Variants in PATL2 observed in about 807,000 individuals in gnomAD.
PATL2 encodes the protein PAT1 homolog 2.
PATL2 carries 73 observed loss-of-function variants against 77.0 expected under a neutral mutation model. That is an observed-to-expected ratio of 0.95 (90% CI 0.78 to 1.15). The LOEUF (loss-of-function observed/expected upper bound fraction) is 1.15. PATL2 is among the 50% of genes most tolerant of loss of function. The pLI, the probability that PATL2 is intolerant of heterozygous loss-of-function variation, is 0.00. For missense variants in PATL2, 618 were observed against 655.4 expected (o/e 0.94, Z 0.62); for synonymous variants, 265 against 257.1 (o/e 1.03, Z -0.29).
chr15:44,675,437 C>T lies in PATL2; in HGVS notation c.222+49G>A, dbSNP rs1595969516. 3 of 1,507,294 alleles carry T rather than the reference C, an allele frequency of 2.0e-6. No individual in the cohort carries two copies. The East Asian group carries it at 7.4e-5, about 37-fold the overall frequency. The allele number at this position is 1,507,294 out of a possible 1,614,324, so 93.4% of individuals were successfully genotyped here. A position where few individuals can be genotyped will look rare whatever the true frequency, so the allele number is the denominator to read the frequency against. ...GGAATGTTTAGTGACAGCCTGTGAG[C>T]CACAGACAGTTCAGGACAACCCTCT... On this transcript the variant is annotated intron_variant, in intron 5 of 17. Transcript: ENST00000682850.
intron 9 of PATL2, 114 bp downstream of exon 9, chr15:44,671,901 T>C (rs1566852333): frequency 2.3e-6 from 3 of 1,315,526 alleles, no homozygotes; most frequent in Non-Finnish European, 3.1e-6. Flanking sequence ...TGATTCTCTC[T>C]CCCACCTGAA....
In PATL2 at chr15:44,675,678, G is replaced by C. The variant is rs2085919788; in HGVS notation, c.30C>G (p.Thr10=). Residue 10 remains threonine, a synonymous_variant, in exon 5 of 18, where the codon ACC becomes ACG. Transcript: ENST00000682850. ...CCTCCTCAGAAGCCAAGGGGCCACA[G>C]GTCTTACCTGGCCCTTGGTTTAAGT... MNCLEGPGK[T]CGPLASEEEL... is the part of the protein sequence containing the mutation. The C allele has an allele frequency of 6.5e-7, 1 of 1,549,544 alleles. No individual in the cohort carries two copies. Among genetic ancestry groups the C allele is most frequent in the Admixed American group, 2.0e-5 (1 of 50,874 alleles).
rs201815058 is a variant in PATL2 at position 44,688,245 on chromosome 15, C to CAA, written c.-75-11682_-75-11681dup. Among the ~76,000 whole-genome samples the CAA allele has an allele frequency of 7.8e-4, 43 of 55,170 alleles. 1 individual carries two copies. Among genetic ancestry groups the CAA allele is most frequent in the African/African-American group, 2.4e-3 (36 of 14,806 alleles). The allele number at this position is 55,170 out of a possible 152,430, so 36.2% of individuals were successfully genotyped here. On this transcript the variant is annotated intron_variant, in intron 3 of 17. Coordinates refer to ENST00000682850, the MANE Select transcript of PATL2 (RefSeq NM_001387263.1). ...TGGGTGACAGAGCGAGACTCTGTCT[C>CAA]AAAAAAAAAAAAAAAAACTAGCTAA... is the stretch of plus-strand genomic sequence containing the variant.
chr15:44,674,576 AT>A (rs1447469667), intron 5 of PATL2, among the ~76,000 whole-genome samples: 1 of 151,662 alleles, frequency 6.6e-6, no homozygotes, highest in East Asian at 1.9e-4. Flanking sequence ...TTTAAAAAAA[AT>A]TTTTTTTAGA....
intron 3 of PATL2, among the ~76,000 whole-genome samples, chr15:44,701,261 T>C (rs2141264004): frequency 6.6e-6 from 1 of 152,128 alleles, no homozygotes; most frequent in East Asian, 1.9e-4. Context: ...CTGTAGTTTT[T>C]TTTTTTTTAT....
chr15:44,677,932 C>T (rs908381619), intron 3 of PATL2, among the ~76,000 whole-genome samples: 11 of 152,204 alleles, frequency 7.2e-5, no homozygotes, highest in South Asian at 2.1e-4. Context: ...CTCCACCTCC[C>T]GGGTTCAAGA....
chr15:44,697,778 G>C (rs1262066359), intron 3 of PATL2, among the ~76,000 whole-genome samples: 1 of 152,128 alleles, frequency 6.6e-6, no homozygotes, highest in African/African-American at 2.4e-5. Context: ...TTGAATCCCA[G>C]CTCAGTGAAA....
chr15:44,672,177 C>T (rs1221583158), intron 8 of PATL2, 21 bp from the exon 9 acceptor site: 2 of 1,551,638 alleles, frequency 1.3e-6, no homozygotes, highest in South Asian at 2.4e-5. Flanking sequence ...GGAGGAACAA[C>T]CCTTTAGACT....
intron 3 of PATL2, 144 bp from the exon 4 acceptor site, chr15:44,676,709 A>C (rs1595971799): frequency 8.5e-7 from 1 of 1,170,706 alleles, no homozygotes. Flanking sequence ...GGGGTCTCAG[A>C]CTGCCATAAA....
At chr15:44,675,748 G>A (rs2085923523) in intron 4 of PATL2, 57 bp from the exon 5 acceptor site, 2 of 1,422,316 alleles carry the variant, frequency 1.4e-6, no homozygotes, top group African/African-American at 2.9e-5. Flanking sequence ...TGTGAGTCTT[G>A]TCTAGAGAGG....
At chr15:44,702,903 G>T (rs989102903) in intron 3 of PATL2, among the ~76,000 whole-genome samples, 1 of 151,938 alleles carries the variant, frequency 6.6e-6, no homozygotes, top group African/African-American at 2.4e-5. Context: ...CTAACATATG[G>T]TCTATCCTTG....
At chr15:44,694,350 A>G (rs2086458375) in intron 3 of PATL2, among the ~76,000 whole-genome samples, 1 of 152,222 alleles carries the variant, frequency 6.6e-6, no homozygotes, top group Admixed American at 6.5e-5. Context: ...TCTTTTAGCA[A>G]ACTCATTTGT....
intron 14 of PATL2, among the ~76,000 whole-genome samples, 181 bp from the exon 15 acceptor site, chr15:44,668,663 C>T (rs1001552193): frequency 7.9e-5 from 12 of 152,132 alleles, no homozygotes; most frequent in Non-Finnish European, 1.8e-4. Flanking sequence ...ACCTACTTGT[C>T]CTAGGAATCC....
At chr15:44,666,205 G>A (rs1832606051) in intron 17 of PATL2, among the ~76,000 whole-genome samples, 187 bp downstream of exon 17, 1 of 152,022 alleles carries the variant, frequency 6.6e-6, no homozygotes, top group Non-Finnish European at 1.5e-5. Context: ...CAAAGCACCT[G>A]GAATAAAAGG....
chr15:44,686,571 A>T (rs537617923), intron 3 of PATL2, among the ~76,000 whole-genome samples: 1 of 152,234 alleles, frequency 6.6e-6, no homozygotes, highest in Non-Finnish European at 1.5e-5. Context: ...AGCTGAACTG[A>T]AGGAGACAGA....
At chr15:44,700,998 TG>T (rs2086617406) in intron 3 of PATL2, among the ~76,000 whole-genome samples, 1 of 152,176 alleles carries the variant, frequency 6.6e-6, no homozygotes. Flanking sequence ...TTTTATCAAC[TG>T]TTTTTTCAGC....
At chr15:44,704,666 T>C (rs2086695905) in intron 3 of PATL2, among the ~76,000 whole-genome samples, 2 of 152,206 alleles carry the variant, frequency 1.3e-5, no homozygotes. Flanking sequence ...TGTTACAATA[T>C]TCTGTTTTTT....
intron 3 of PATL2, among the ~76,000 whole-genome samples, chr15:44,696,759 T>G (rs187197171): frequency 2.0e-4 from 30 of 152,318 alleles, no homozygotes; most frequent in East Asian, 3.9e-4. Context: ...TCTATTTTTT[T>G]GGGGGCCTGT....
At chr15:44,704,333 T>C (rs886210113) in intron 3 of PATL2, among the ~76,000 whole-genome samples, 3 of 152,128 alleles carry the variant, frequency 2.0e-5, no homozygotes, top group Non-Finnish European at 2.9e-5. Context: ...TATGCTTTTT[T>C]ATTTCAGGTT....
Sources: gnomAD v4.1 joint callset for allele counts (sites outside exome capture counted in the v4.1 genomes callset) on GRCh38, gnomAD v4.1.1 for gene constraint, MANE v1.5 for transcripts, NCBI Gene and HGNC (gene_info 2026-07-23, HGNC 2026-07-21) for gene names.